The following ZBTB7C variants were observed in gnomAD, a reference collection of about 807,000 sequenced individuals.
ZBTB7C encodes the protein zinc finger and BTB domain-containing protein 7C.
In ZBTB7C, 8 loss-of-function variants were observed where a neutral mutation model predicts 25.7. The ratio of observed to expected loss-of-function variants is 0.31; its 90% CI spans 0.18 to 0.56. The LOEUF (loss-of-function observed/expected upper bound fraction) is 0.56. Among genes scored for constraint, ZBTB7C ranks in the 20% least tolerant of loss-of-function variants. The pLI is 0.91. For synonymous variants in ZBTB7C, 394 were observed against 369.0 expected, an observed-to-expected ratio of 1.07 and a Z score of -0.78; for missense variants, 824 against 855.2, an observed-to-expected ratio of 0.96 and a Z score of 0.46.
At chr18:48,224,546 C>A (rs1025798016) in intron 2 of ZBTB7C, among the ~76,000 whole-genome samples, 4 of 152,148 alleles carry the variant, frequency 2.6e-5, no homozygotes, top group Non-Finnish European at 5.9e-5. Context: ...GAGCCCAGGG[C>A]ATCCCTGTCC....
intron 2 of ZBTB7C, among the ~76,000 whole-genome samples, chr18:48,226,079 A>C (rs1291325889): frequency 1.3e-5 from 2 of 152,184 alleles, no homozygotes; most frequent in African/African-American, 4.8e-5. Flanking sequence ...AGACATGAAA[A>C]AATAAGCCCC....
At chr18:48,320,296 G>A (rs1054863316) in intron 2 of ZBTB7C, among the ~76,000 whole-genome samples, 2 of 152,218 alleles carry the variant, frequency 1.3e-5, no homozygotes, top group African/African-American at 4.8e-5. Flanking sequence ...AGATGGGTAG[G>A]TGGGAAGATG....
chr18:48,353,304 A>G (rs190107280), intron 1 of ZBTB7C, among the ~76,000 whole-genome samples: 3 of 152,316 alleles, frequency 2.0e-5, no homozygotes, highest in Non-Finnish European at 4.4e-5. Flanking sequence ...TCTATTTACC[A>G]CACCAAGATG....
intron 3 of ZBTB7C, among the ~76,000 whole-genome samples, chr18:48,104,806 G>T (rs1182299546): frequency 6.6e-6 from 1 of 152,206 alleles, no homozygotes; most frequent in Non-Finnish European, 1.5e-5. Flanking sequence ...GGACATGTGG[G>T]GGTACAAAGA....
chr18:48,366,686 A>G (rs557761814), intron 1 of ZBTB7C, among the ~76,000 whole-genome samples: 2 of 152,346 alleles, frequency 1.3e-5, no homozygotes, highest in African/African-American at 2.4e-5. Context: ...CATTTTCAAC[A>G]TTTGAAATGG....
At chr18:48,035,999 A>G (rs1166832313) in intron 4 of ZBTB7C, among the ~76,000 whole-genome samples, 1 of 152,212 alleles carries the variant, frequency 6.6e-6, no homozygotes, top group Non-Finnish European at 1.5e-5. Context: ...TTTGAACTAA[A>G]CCGAGGGAGT....
At position 48,040,760 on chromosome 18, in the gene ZBTB7C, G is replaced by A. The variant is rs139553126; in HGVS notation, c.348C>T (p.Ile116=). The change falls in exon 4 of 5, where the codon ATC becomes ATT. Residue 116 remains isoleucine (I), a synonymous_variant. Coordinates refer to ENST00000590800, the MANE Select transcript of ZBTB7C (RefSeq NM_001318841.2). ...CCAGGCACACGTTCACGATGCACTG[G>A]ATCTCCAGCATCCTGGCTGCGTTGA... The part of the protein sequence containing the change: ...HILNAARMLE[I]QCIVNVCLEI... 8.4e-5 allele frequency: 136 copies of A among 1,614,032 alleles called. No homozygotes were observed. The African/African-American group carries it at 1.7e-3, about 20-fold the overall frequency.
intron 1 of ZBTB7C, among the ~76,000 whole-genome samples, chr18:48,340,210 T>TTG (rs2046564529): frequency 6.6e-6 from 1 of 152,196 alleles, no homozygotes; most frequent in Admixed American, 6.5e-5. Flanking sequence ...ACCTAGGACA[T>TTG]TCCTACTTAG....
At chr18:48,383,706 G>A (rs1437600011) in intron 1 of ZBTB7C, among the ~76,000 whole-genome samples, 1 of 152,194 alleles carries the variant, frequency 6.6e-6, no homozygotes, top group African/African-American at 2.4e-5. Flanking sequence ...GGGGAGAAAG[G>A]CACCTGAGTC....
rs1488628291 is a variant in ZBTB7C at position 48,029,720 on chromosome 18, A to T, written c.1400T>A (p.Ile467Asn). 6.2e-7 allele frequency: 1 copy of T among 1,602,876 alleles called. No homozygotes were observed. The highest frequency in any genetic ancestry group is 2.2e-5 in the East Asian group (1 of 44,852). The stretch of plus-strand genomic sequence containing the variant: ...TGCCATGCGGCAGCTCTGGCGCTTG[A>T]TGTGGCGGTGCAGGTGGTCAGAGCG... The part of the protein sequence containing the change: ...FTRSDHLHRH[I>N]KRQSCRMARP... The change falls in exon 5 of 5, where the codon ATC (isoleucine) becomes AAC (asparagine). Residue 467 changes from isoleucine to asparagine, a missense_variant. Physicochemically the swap from Ile to Asn is moderately radical, Grantham distance 149. Transcript: ENST00000590800.
In ZBTB7C at chr18:48,029,207, C is replaced by A. The variant is rs2035616252; in HGVS notation, c.*53G>T. On this transcript the variant is annotated 3_prime_UTR_variant, in exon 5 of 5. Coordinates refer to ENST00000590800, the MANE Select transcript of ZBTB7C (RefSeq NM_001318841.2). ...GATCCATGGGGTAGGGTAGAGTGGG[C>A]CTGGAGGGAGAAGGACTGGAGGGCT... 2 of 1,498,544 alleles carry A rather than the reference C, an allele frequency of 1.3e-6. No individual in the cohort carries two copies. Among genetic ancestry groups the A allele is most frequent in the Non-Finnish European group, 1.8e-6 (2 of 1,135,306 alleles). 92.8% of individuals were successfully genotyped at this position (1,498,544 alleles called of 1,614,324 possible).
chr18:48,125,357 G>T (rs535231043), intron 3 of ZBTB7C, among the ~76,000 whole-genome samples: 1 of 152,226 alleles, frequency 6.6e-6, no homozygotes, highest in Non-Finnish European at 1.5e-5. Flanking sequence ...GATAGTGTCC[G>T]TAGGAAGAAG....
At chr18:48,109,465 T>C (rs1437054731) in intron 3 of ZBTB7C, among the ~76,000 whole-genome samples, 1 of 152,216 alleles carries the variant, frequency 6.6e-6, no homozygotes. Context: ...TTTCTAGAAC[T>C]GGAAAGATCC....
chr18:48,313,526 A>G (rs1255938852), intron 2 of ZBTB7C, among the ~76,000 whole-genome samples: 3 of 152,202 alleles, frequency 2.0e-5, no homozygotes, highest in African/African-American at 7.2e-5. Flanking sequence ...CTTGTTACTC[A>G]AAGTATGGTC....
intron 3 of ZBTB7C, among the ~76,000 whole-genome samples, chr18:48,053,858 G>C (rs9947181): frequency 0.084 from 12,783 of 152,246 alleles, 1,122 homozygotes; most frequent in African/African-American, 0.22. Flanking sequence ...TCAGAGGACG[G>C]GGACTCTGCT....
chr18:48,352,787 A>T (rs554130907), intron 1 of ZBTB7C, among the ~76,000 whole-genome samples: 1 of 152,222 alleles, frequency 6.6e-6, no homozygotes, highest in Admixed American at 6.5e-5. Context: ...AGGTGAGCAA[A>T]TGATGTCAAG....
At chr18:48,030,440 T>G (rs1299655091) in intron 4 of ZBTB7C, among the ~76,000 whole-genome samples, 1 of 152,236 alleles carries the variant, frequency 6.6e-6, no homozygotes, top group Non-Finnish European at 1.5e-5. Flanking sequence ...TGGGAGGCTA[T>G]AGAAGCTTGG....
At chr18:48,097,379 GTTGTTATTA>G (rs2038672848) in intron 3 of ZBTB7C, among the ~76,000 whole-genome samples, 1 of 73,350 alleles carries the variant, frequency 1.4e-5, no homozygotes, top group Non-Finnish European at 3.0e-5. Flanking sequence ...TATTATTGTT[GTTGTTATTA>G]TTATTATTAT....
chr18:48,312,562 T>C (rs2045846608), intron 2 of ZBTB7C, among the ~76,000 whole-genome samples: 1 of 152,230 alleles, frequency 6.6e-6, no homozygotes, highest in Non-Finnish European at 1.5e-5. Context: ...GCTCTGCCGC[T>C]TTCCAGCTAT....
Sources: allele counts gnomAD v4.1 joint callset (sites outside exome capture counted in the v4.1 genomes callset), GRCh38; gene constraint gnomAD v4.1.1; transcripts MANE v1.5; gene names NCBI Gene and HGNC (gene_info 2026-07-23, HGNC 2026-07-21).